The following STIM1 variants were observed in gnomAD, a reference collection of about 807,000 sequenced individuals.
The protein encoded by STIM1 is stromal interaction molecule 1.
STIM1 carries 25 observed loss-of-function variants against 74.7 expected under a neutral mutation model. The observed-to-expected ratio is 0.33, with a 90% confidence interval of 0.24 to 0.47. The LOEUF (loss-of-function observed/expected upper bound fraction) is 0.47, where lower values mean the gene tolerates loss of function less well. STIM1 is among the 20% of genes least tolerant of loss of function. STIM1 has a pLI of 1.00. For synonymous variants in STIM1, 328 were observed against 348.8 expected, an observed-to-expected ratio of 0.94 and a Z score of 0.66; for missense variants, 728 against 920.8, an observed-to-expected ratio of 0.79 and a Z score of 2.71.
chr11:3,923,160 A>AT (rs140962106), intron 1 of STIM1, among the ~76,000 whole-genome samples: 1 of 151,452 alleles, frequency 6.6e-6, no homozygotes, highest in Non-Finnish European at 1.5e-5. Context: ...TTTCCCCATA[A>AT]TTTTTTTTAT....
At chr11:3,974,500 ACT>A (rs2093427179) in intron 2 of STIM1, among the ~76,000 whole-genome samples, 1 of 141,294 alleles carries the variant, frequency 7.1e-6, no homozygotes, top group Non-Finnish European at 1.5e-5. Context: ...ACATAGGGAG[ACT>A]CTATCTCTAC....
At chr11:3,869,135 A>T (rs1198892956) in intron 1 of STIM1, among the ~76,000 whole-genome samples, 1 of 151,912 alleles carries the variant, frequency 6.6e-6, no homozygotes, top group Non-Finnish European at 1.5e-5. Context: ...TGCTCGGTTA[A>T]TTTTTTTGTA....
At chr11:3,921,317 G>A (rs1158670729) in intron 1 of STIM1, among the ~76,000 whole-genome samples, 1 of 152,142 alleles carries the variant, frequency 6.6e-6, no homozygotes, top group Non-Finnish European at 1.5e-5. Context: ...ATTATTTTCT[G>A]TTTCAGTCAG....
At chr11:3,962,898 A>G (rs2093302776) in intron 1 of STIM1, among the ~76,000 whole-genome samples, 1 of 152,204 alleles carries the variant, frequency 6.6e-6, no homozygotes, top group African/African-American at 2.4e-5. Context: ...AATAAAATGA[A>G]TTAATAACTA....
chr11:4,059,289 T>G lies in STIM1; in HGVS notation c.506T>G (p.Val169Gly). The change falls in exon 5 of 13, where the codon GTC (valine) becomes GGC (glycine). Residue 169 changes from valine to glycine, a missense_variant. Val to Gly is a moderately radical substitution (Grantham distance 109, BLOSUM62 -3). Around this residue, in one of 5 missense-constraint regions of STIM1, gnomAD observed 132 missense variants for 158.2 expected, o/e 0.83. Coordinates refer to ENST00000526596, the MANE Select transcript of STIM1 (RefSeq NM_001382567.1). Reference protein sequence around the residue: ...LSGHAMPRLAVTNTTMTGTVL... With the variant: ...LSGHAMPRLAGTNTTMTGTVL... Reference sequence around the variant, plus strand: ...ACTCTTTGCCTCAACAGGCTGGCTGTCACCAACACCACCATGACAGGGACT... The same window carrying G: ...ACTCTTTGCCTCAACAGGCTGGCTGGCACCAACACCACCATGACAGGGACT... The G allele has an allele frequency of 6.2e-7, 1 of 1,614,024 alleles. No individual in the cohort carries two copies. Among genetic ancestry groups the G allele is most frequent in the Non-Finnish European group, 8.5e-7 (1 of 1,179,946 alleles).
chr11:3,981,815 T>C (rs992514568), intron 2 of STIM1, among the ~76,000 whole-genome samples: 5 of 152,170 alleles, frequency 3.3e-5, no homozygotes, highest in African/African-American at 1.2e-4. Context: ...GGAAAGACTT[T>C]AAGAATAACA....
intron 3 of STIM1, among the ~76,000 whole-genome samples, chr11:4,045,077 G>A (rs553035228): frequency 6.6e-6 from 1 of 152,082 alleles, no homozygotes; most frequent in African/African-American, 2.4e-5. Context: ...TGCTGATAGA[G>A]GAGTTTCTGC....
At chr11:4,024,681 G>A (rs528590561) in intron 3 of STIM1, among the ~76,000 whole-genome samples, 37 of 152,240 alleles carry the variant, frequency 2.4e-4, no homozygotes, top group African/African-American at 8.9e-4. Flanking sequence ...GCATCTGTTA[G>A]TGCAGTCTGA....
rs143304147 is a variant in STIM1, at chr11:4,036,658, G to A, written c.385+12671G>A. Among the ~76,000 whole-genome samples, 990 of 152,266 alleles carry A rather than the reference G, an allele frequency of 6.5e-3. 2 individuals are homozygous for A. Among genetic ancestry groups the A allele is most frequent in the Non-Finnish European group, 9.7e-3 (661 of 68,016 alleles). ...GTTGGTCGCATGAATATCTTCTTTT[G>A]AGAAGTATCTGTTCATGTCTTTTGC... On this transcript the variant is annotated intron_variant, in intron 3 of 12. Coordinates refer to ENST00000526596, the MANE Select transcript of STIM1 (RefSeq NM_001382567.1).
At chr11:4,051,405 C>A (rs139993844) in intron 3 of STIM1, among the ~76,000 whole-genome samples, 6 of 149,220 alleles carry the variant, frequency 4.0e-5, no homozygotes, top group African/African-American at 1.5e-4. Flanking sequence ...TGCAGTGACG[C>A]AATCTCGGCT....
chr11:3,892,921 A>G (rs2091942481), intron 1 of STIM1: 9 of 1,221,892 alleles, frequency 7.4e-6, no homozygotes, highest in Non-Finnish European at 1.1e-5. Context: ...CAGCAGCAGC[A>G]TCTGCAAAGA....
At chr11:4,005,797 G>T (rs73429634) in intron 2 of STIM1, among the ~76,000 whole-genome samples, 1 of 152,060 alleles carries the variant, frequency 6.6e-6, no homozygotes, top group Non-Finnish European at 1.5e-5. Flanking sequence ...GAGACTAGAC[G>T]TACAAAGATA....
intron 7 of STIM1, among the ~76,000 whole-genome samples, chr11:4,081,284 G>A (rs541804872): frequency 2.6e-5 from 4 of 152,348 alleles, no homozygotes; most frequent in African/African-American, 7.2e-5. Flanking sequence ...CATAATGTCT[G>A]TATGTACTTT....
chr11:3,863,180 C>T (rs2090696962), intron 1 of STIM1, among the ~76,000 whole-genome samples: 1 of 151,518 alleles, frequency 6.6e-6, no homozygotes. Context: ...AGGCGTGAGC[C>T]ACCACGCCTG....
At chr11:3,921,818 C>A (rs1454672977) in intron 1 of STIM1, 1 of 152,168 alleles carries the variant, frequency 6.6e-6, no homozygotes, top group African/African-American at 2.4e-5. Flanking sequence ...GAAGTCCCAT[C>A]AATATATTGT....
intron 1 of STIM1, among the ~76,000 whole-genome samples, chr11:3,895,728 TTCTTTCTTTTTC>T (rs1416011619): frequency 4.5e-4 from 18 of 39,812 alleles, no homozygotes; most frequent in African/African-American, 1.0e-3. Flanking sequence ...CTTTCTTTCT[TTCTTTCTTTTTC>T]TTTCTTCCTT....
At chr11:4,022,999 C>A (rs1435693008) in intron 2 of STIM1, among the ~76,000 whole-genome samples, 1 of 152,194 alleles carries the variant, frequency 6.6e-6, no homozygotes, top group Non-Finnish European at 1.5e-5. Context: ...CCACCTTTAA[C>A]GGGAGGATTA....
chr11:3,972,448 A>T (rs966880077), intron 2 of STIM1, among the ~76,000 whole-genome samples: 2 of 151,984 alleles, frequency 1.3e-5, no homozygotes, highest in Non-Finnish European at 1.5e-5. Flanking sequence ...CTCTTCTTTG[A>T]TTCATTTTCA....
chr11:3,898,992 G>A (rs10835266), intron 1 of STIM1, among the ~76,000 whole-genome samples: 32,458 of 149,352 alleles, frequency 0.22, 3,833 homozygotes, highest in South Asian at 0.33. Flanking sequence ...CTGACTTGGC[G>A]ATGTGGGCTC....
Sources: allele counts gnomAD v4.1 joint callset (sites outside exome capture counted in the v4.1 genomes callset), GRCh38; gene constraint gnomAD v4.1.1; regional missense constraint gnomAD v4.1.1; transcripts MANE v1.5; gene names NCBI Gene and HGNC (gene_info 2026-07-23, HGNC 2026-07-21).